The following CAND1 variants were observed in gnomAD, a reference collection of about 807,000 sequenced individuals.
The protein encoded by CAND1 is cullin associated and neddylation dissociated 1.
CAND1 carries 7 observed loss-of-function variants against 108.5 expected under a neutral mutation model. That is an observed-to-expected ratio of 0.06 (90% confidence interval 0.04 to 0.12). CAND1 has a LOEUF of 0.12. Among genes scored for constraint, CAND1 ranks in the 10% least tolerant of loss-of-function variants. The pLI is 1.00. For missense variants in CAND1, 941 were observed against 1,448.7 expected, an observed-to-expected ratio of 0.65 and a Z score of 5.69; for synonymous variants, 534 against 512.0, an observed-to-expected ratio of 1.04 and a Z score of -0.58.
rs1429859731 is a variant in CAND1, at chr12:67,304,609, C to G, written c.1298C>G (p.Pro433Arg). 6.2e-7 allele frequency: 1 copy of G among 1,613,058 alleles called. No individual in the cohort carries two copies. Among genetic ancestry groups the G allele is most frequent in the Non-Finnish European group, 8.5e-7 (1 of 1,179,742 alleles). ...ATGACTATATGATAATTGCAGGTTC[C>G]CAACATTGTTAAAGCTCTTCACAAA... ...TPLTMLQSQV[P>R]NIVKALHKQM... Residue 433 changes from proline (P) to arginine (R), a missense_variant, in exon 9 of 15, where the codon CCC becomes CGC. By Grantham distance (103) the Pro-to-Arg change is moderately radical (BLOSUM62 -2). Transcript: ENST00000545606.
At chr12:67,297,063 G>T (rs1474002092) in intron 4 of CAND1, among the ~76,000 whole-genome samples, 1 of 152,098 alleles carries the variant, frequency 6.6e-6, no homozygotes, top group Non-Finnish European at 1.5e-5. Context: ...CTCCCAAAGT[G>T]CCGGGATTAC....
At chr12:67,297,309 C>G in intron 4 of CAND1, 98 bp from the exon 5 acceptor site, 2 of 1,126,858 alleles carry the variant, frequency 1.8e-6, no homozygotes, top group Non-Finnish European at 2.7e-6. Context: ...AATTTGTGTT[C>G]TGAATATTTG....
chr12:67,297,281 A>G (rs900792043), intron 4 of CAND1, 126 bp from the exon 5 acceptor site: 9 of 882,458 alleles, frequency 1.0e-5, no homozygotes, highest in African/African-American at 8.3e-5. Flanking sequence ...TTCTTTCACT[A>G]TGAATTAGTC....
In CAND1 at chr12:67,311,750, C is replaced by A; in HGVS notation, c.3418C>A (p.Gln1140Lys). Residue 1140 changes from glutamine (Q) to lysine (K), a missense_variant, in exon 14 of 15, where the codon CAG (glutamine) becomes AAG (lysine). By Grantham distance (53) the Gln-to-Lys change is moderately conservative (BLOSUM62 1). This residue lies in a region of CAND1 where 22 missense variants were observed against 24.4 expected (regional missense o/e 0.90). Transcript: ENST00000545606. ...TACCCTTTGTCCAAGTGCAGTACTGCAGAGGTTGGACCGACTTGTTGAGCC... is the reference window on the plus strand; with the variant it reads ...TACCCTTTGTCCAAGTGCAGTACTGAAGAGGTTGGACCGACTTGTTGAGCC... ...LSTLCPSAVLQRLDRLVEPLR... is the reference protein window; with the variant it reads ...LSTLCPSAVLKRLDRLVEPLR... 1 of 1,612,322 alleles carries A rather than the reference C, an allele frequency of 6.2e-7. No individual in the cohort carries two copies. Among genetic ancestry groups the A allele is most frequent in the Non-Finnish European group, 8.5e-7 (1 of 1,178,540 alleles).
chr12:67,305,617 A>T lies in CAND1; in HGVS notation c.1949A>T (p.Glu650Val). The change falls in exon 10 of 15, where the codon GAA becomes GTA. Residue 650 changes from glutamate (E) to valine (V), a missense_variant. By Grantham distance (121) the Glu-to-Val change is moderately radical (BLOSUM62 -2). Coordinates refer to ENST00000545606, the MANE Select transcript of CAND1 (RefSeq NM_018448.5). The surrounding 1 kb of genome is among the most constrained non-coding windows in gnomAD (Gnocchi z 4.4). ...LKIDLRPVLGEGVPILASFLR... is the reference protein window; with the variant it reads ...LKIDLRPVLGVGVPILASFLR... ...ATAGATTTGAGGCCTGTTCTGGGAGAAGGGGTTCCTATCCTTGCTTCATTT... is the reference window on the plus strand; with the variant it reads ...ATAGATTTGAGGCCTGTTCTGGGAGTAGGGGTTCCTATCCTTGCTTCATTT... 6.2e-7 allele frequency: 1 copy of T among 1,614,076 alleles called. No homozygotes were observed. Among genetic ancestry groups the T allele is most frequent in the Non-Finnish European group, 8.5e-7 (1 of 1,180,008 alleles).
chr12:67,314,744 T>C lies in CAND1; in HGVS notation c.*1914T>C, dbSNP rs767907042. 6.6e-6 allele frequency: 1 copy of C among 152,234 alleles called. No individual in the cohort carries two copies. The highest frequency in any genetic ancestry group is 6.5e-5 in the Admixed American group (1 of 15,288). 9.4% of individuals were successfully genotyped at this position (152,234 alleles called of 1,614,324 possible). A position where few individuals can be genotyped will look rare whatever the true frequency, so the allele number is the denominator to read the frequency against. On this transcript the variant is annotated 3_prime_UTR_variant, in exon 15 of 15. Coordinates refer to ENST00000545606, the MANE Select transcript of CAND1 (RefSeq NM_018448.5). The stretch of plus-strand genomic sequence containing the variant: ...CTTTCAAGATGCATGTTTTGTTTTG[T>C]TTTGCTTTGTTTTTGTCTCTTAAGC...
intron 2 of CAND1, among the ~76,000 whole-genome samples, chr12:67,287,328 C>G (rs918358532): frequency 9.2e-5 from 14 of 152,070 alleles, no homozygotes; most frequent in African/African-American, 3.4e-4. Flanking sequence ...TTTTTAGGTC[C>G]TTTATATTTC....
Position 67,306,427 on chromosome 12 carries a change from C to T in CAND1, c.2759C>T (p.Ala920Val), listed in dbSNP as rs746797006. 1.2e-6 allele frequency: 2 copies of T among 1,613,898 alleles called. No homozygotes were observed. The highest frequency in any genetic ancestry group is 1.7e-6 in the Non-Finnish European group (2 of 1,179,980). ...LHSLKEIISS[A>V]SVVGLKPYVE... The stretch of plus-strand genomic sequence containing the variant: ...TCCTTGAAGGAAATTATTAGCTCTG[C>T]ATCAGTGGTGGGCCTTAAACCATAT... The change falls in exon 10 of 15, where the codon GCA becomes GTA. Residue 920 changes from alanine (A) to valine (V), a missense_variant. Physicochemically the swap from Ala to Val is moderately conservative, Grantham distance 64. Coordinates refer to ENST00000545606, the MANE Select transcript of CAND1 (RefSeq NM_018448.5).
At chr12:67,292,127 G>A (rs10878596) in intron 2 of CAND1, among the ~76,000 whole-genome samples, 73,720 of 151,674 alleles carry the variant, frequency 0.49, 19,431 homozygotes, top group Non-Finnish European at 0.6. Flanking sequence ...TGGTCCTCCC[G>A]AAGTGCTGGG....
At chr12:67,284,413 G>A (rs2044649090) in intron 2 of CAND1, among the ~76,000 whole-genome samples, 1 of 152,136 alleles carries the variant, frequency 6.6e-6, no homozygotes, top group South Asian at 2.1e-4. Context: ...TATTAATACA[G>A]TTATTATGTT....
intron 2 of CAND1, among the ~76,000 whole-genome samples, chr12:67,286,377 C>T (rs1397624152): frequency 6.6e-6 from 1 of 152,138 alleles, no homozygotes; most frequent in Non-Finnish European, 1.5e-5. Flanking sequence ...ATGAAAACGC[C>T]AAATTGTTTC....
intron 1 of CAND1, among the ~76,000 whole-genome samples, chr12:67,274,782 G>A (rs966836027): frequency 2.0e-5 from 3 of 152,080 alleles, no homozygotes; most frequent in African/African-American, 7.2e-5. Flanking sequence ...TTGGATATTG[G>A]ACGGTATTTT....
chr12:67,301,527 T>G (rs961524163), intron 7 of CAND1, among the ~76,000 whole-genome samples: 1 of 152,180 alleles, frequency 6.6e-6, no homozygotes, highest in Non-Finnish European at 1.5e-5. Context: ...AGAAAGATTT[T>G]CTGGAGATTT....
chr12:67,282,366 T>C (rs1011521663), intron 2 of CAND1, among the ~76,000 whole-genome samples: 1 of 152,188 alleles, frequency 6.6e-6, no homozygotes, highest in Non-Finnish European at 1.5e-5. Flanking sequence ...CCTACTTTCC[T>C]CTATGTATCT....
intron 1 of CAND1, 36 bp downstream of exon 1, chr12:67,269,821 G>A: frequency 6.4e-7 from 1 of 1,574,556 alleles, no homozygotes. Flanking sequence ...CCACCTCGGG[G>A]TTCTCGCAGC....
chr12:67,309,639 C>T (rs1006040624), intron 11 of CAND1, among the ~76,000 whole-genome samples: 5 of 151,982 alleles, frequency 3.3e-5, no homozygotes, highest in Non-Finnish European at 7.4e-5. Context: ...TTTATGGACT[C>T]TTCTTCCATA....
rs534622543 is a variant in CAND1, at chr12:67,313,488, G to A, written c.*658G>A. Reference sequence around the variant, plus strand: ...GCATGTGCAGATTATTCATAATATAGAAGTTAAAATAAGTATTAGTGCAAT... The same window carrying A: ...GCATGTGCAGATTATTCATAATATAAAAGTTAAAATAAGTATTAGTGCAAT... On this transcript the variant is annotated 3_prime_UTR_variant, in exon 15 of 15. Coordinates refer to ENST00000545606, the MANE Select transcript of CAND1 (RefSeq NM_018448.5). The A allele has an allele frequency of 2.0e-5, 3 of 152,650 alleles. No homozygotes were observed. The highest frequency in any genetic ancestry group is 7.2e-5 in the African/African-American group (3 of 41,552). The allele number at this position is 152,650 out of a possible 1,614,324, so 9.5% of individuals were successfully genotyped here. A position where few individuals can be genotyped will look rare whatever the true frequency, so the allele number is the denominator to read the frequency against.
Position 67,269,523 on chromosome 12 carries a change from G to C in CAND1, c.-195G>C, listed in dbSNP as rs1456415716. On this transcript the variant is annotated 5_prime_UTR_variant, in exon 1 of 15. Transcript: ENST00000545606. ...GGCTCTGTAGCCTCGGCTTACCCCG[G>C]GACAGGCCCACGCCTCGCCAGGGAG... 30 of 560,124 alleles carry C rather than the reference G, an allele frequency of 5.4e-5. No homozygotes were observed. The highest frequency in any genetic ancestry group is 8.7e-5 in the Non-Finnish European group (28 of 323,306). 34.7% of individuals were successfully genotyped at this position (560,124 alleles called of 1,614,324 possible).
At chr12:67,282,661 G>A (rs2044630596) in intron 2 of CAND1, among the ~76,000 whole-genome samples, 1 of 151,670 alleles carries the variant, frequency 6.6e-6, no homozygotes, top group Non-Finnish European at 1.5e-5. Context: ...CAAAGTGCTG[G>A]GATTATAGGC....
Sources: gnomAD v4.1 joint callset for allele counts (sites outside exome capture counted in the v4.1 genomes callset) on GRCh38, gnomAD v4.1.1 for gene constraint, gnomAD v4.1.1 regional missense constraint, Gnocchi (gnomAD v3.1) non-coding constraint, MANE v1.5 for transcripts, NCBI Gene and HGNC (gene_info 2026-07-23, HGNC 2026-07-21) for gene names.